Variants in GFRA1 observed in about 807,000 individuals in gnomAD.
GFRA1 encodes GDNF family receptor alpha-1.
In GFRA1, 16 loss-of-function variants were observed where a neutral mutation model predicts 51.6. The observed-to-expected ratio is 0.31, with a 90% CI of 0.21 to 0.47. GFRA1 has a LOEUF of 0.47. Among genes scored for constraint, GFRA1 ranks in the 20% least tolerant of loss-of-function variants. GFRA1 has a pLI of 1.00. For synonymous variants in GFRA1, 270 were observed against 241.3 expected, an observed-to-expected ratio of 1.12 and a Z score of -1.10; for missense variants, 530 against 594.3, an observed-to-expected ratio of 0.89 and a Z score of 1.13.
intron 8 of GFRA1, among the ~76,000 whole-genome samples, chr10:116,091,709 A>T (rs1227464704): frequency 1.3e-5 from 2 of 152,208 alleles, no homozygotes; most frequent in Non-Finnish European, 2.9e-5. Flanking sequence ...AAGTTTCTAC[A>T]TTTGGGCTGG....
At chr10:116,273,769 A>G (rs1431270220), upstream of GFRA1, among the ~76,000 whole-genome samples, 2 of 151,900 alleles carry the variant, frequency 1.3e-5, no homozygotes, top group East Asian at 1.9e-4. Context: ...ATCGAGCCAG[A>G]CCCTTCTTCG....
At chr10:116,099,987 A>G (rs2694777) in intron 6 of GFRA1, among the ~76,000 whole-genome samples, 33,812 of 152,148 alleles carry the variant, frequency 0.22, 3,802 homozygotes, top group Middle Eastern at 0.25. Flanking sequence ...AGACTAGAAT[A>G]AAAGAGTCAG....
At chr10:116,181,836 G>C (rs1197103230) in intron 5 of GFRA1, among the ~76,000 whole-genome samples, 2 of 152,040 alleles carry the variant, frequency 1.3e-5, no homozygotes, top group Admixed American at 1.3e-4. Context: ...GTAGAGATAG[G>C]GTTTCGCTGT....
intron 5 of GFRA1, among the ~76,000 whole-genome samples, chr10:116,176,798 T>C (rs1418147352): frequency 7.8e-6 from 1 of 128,528 alleles, no homozygotes; most frequent in Non-Finnish European, 1.6e-5. Flanking sequence ...GGCTTTGGAG[T>C]TAAAAAGATA....
At chr10:116,258,277 A>C (rs1167160456) in intron 4 of GFRA1, among the ~76,000 whole-genome samples, 1 of 151,062 alleles carries the variant, frequency 6.6e-6, no homozygotes, top group East Asian at 1.9e-4. Context: ...ATACTGAAAA[A>C]CTGAAAACTG....
intron 6 of GFRA1, among the ~76,000 whole-genome samples, chr10:116,118,488 G>A (rs1957517497): frequency 6.6e-6 from 1 of 152,012 alleles, no homozygotes; most frequent in African/African-American, 2.4e-5. Flanking sequence ...CTCAACCACT[G>A]TGTCCCCTCC....
intron 4 of GFRA1, among the ~76,000 whole-genome samples, chr10:116,241,461 G>A (rs1967371240): frequency 6.6e-6 from 1 of 152,198 alleles, no homozygotes; most frequent in Non-Finnish European, 1.5e-5. Flanking sequence ...TGAGCTGACT[G>A]TCTCTGCAAT....
At chr10:116,270,066 G>A (rs1209111245) in intron 3 of GFRA1, among the ~76,000 whole-genome samples, 1 of 152,162 alleles carries the variant, frequency 6.6e-6, no homozygotes, top group East Asian at 1.9e-4. Flanking sequence ...ACCGCTGACA[G>A]GTCAAATCTG....
At chr10:116,160,476 G>A (rs532518559) in intron 5 of GFRA1, among the ~76,000 whole-genome samples, 10 of 152,278 alleles carry the variant, frequency 6.6e-5, no homozygotes, top group South Asian at 2.1e-4. Context: ...GTGTATTCAC[G>A]TCCTTGGTAT....
intron 4 of GFRA1, among the ~76,000 whole-genome samples, chr10:116,253,451 T>TA (rs914749343): frequency 1.1e-4 from 17 of 152,184 alleles, no homozygotes; most frequent in Middle Eastern, 3.4e-3. Context: ...CTACTAAAGA[T>TA]AAAAAAATTA....
intron 8 of GFRA1, among the ~76,000 whole-genome samples, chr10:116,090,432 TAAAAAAAAAAAA>T (rs35493394): frequency 8.3e-6 from 1 of 121,180 alleles, no homozygotes; most frequent in South Asian, 2.9e-4. Context: ...CCAGTTTCTT[TAAAAAAAAAAAA>T]AAAAAAAAAA....
intron 5 of GFRA1, among the ~76,000 whole-genome samples, chr10:116,210,428 C>T (rs1323114177): frequency 6.6e-6 from 1 of 152,198 alleles, no homozygotes; most frequent in African/African-American, 2.4e-5. Flanking sequence ...AGGAAGAAAA[C>T]TCACTGCAGC....
At chr10:116,100,985 A>G (rs1337926115) in intron 6 of GFRA1, among the ~76,000 whole-genome samples, 1 of 152,182 alleles carries the variant, frequency 6.6e-6, no homozygotes, top group East Asian at 1.9e-4. Flanking sequence ...GTTTACCAGG[A>G]AGATAATGAG....
At chr10:116,159,268 G>C (rs1959493318) in intron 5 of GFRA1, among the ~76,000 whole-genome samples, 1 of 152,150 alleles carries the variant, frequency 6.6e-6, no homozygotes, top group African/African-American at 2.4e-5. Context: ...CACTGGCCCA[G>C]CTCGTTCTAG....
intron 4 of GFRA1, among the ~76,000 whole-genome samples, chr10:116,263,715 G>A (rs1304494220): frequency 6.6e-6 from 1 of 152,204 alleles, no homozygotes; most frequent in Admixed American, 6.5e-5. Context: ...CAAGACCTGG[G>A]AATGAGGAGG....
intron 4 of GFRA1, among the ~76,000 whole-genome samples, chr10:116,256,757 CA>C (rs1968893610): frequency 1.3e-5 from 2 of 152,184 alleles, no homozygotes; most frequent in South Asian, 4.1e-4. Context: ...AACAGCTAGG[CA>C]AGGCAGAAGA....
At position 116,104,933 on chromosome 10, in the gene GFRA1, C is replaced by T. The variant is rs192364597; in HGVS notation, c.771-8169G>A. On this transcript the variant is annotated intron_variant, in intron 6 of 10. Transcript: ENST00000355422. Reference sequence around the variant, plus strand: ...TGCCCTCCACCTATTTATCCCAATGCGCAAACTGATGGTCATGGTACAAGA... The same window carrying T: ...TGCCCTCCACCTATTTATCCCAATGTGCAAACTGATGGTCATGGTACAAGA... Among the ~76,000 whole-genome samples, 416 of 152,252 alleles carry T rather than the reference C, an allele frequency of 2.7e-3. 1 individual carries two copies. The highest frequency in any genetic ancestry group is 9.4e-3 in the African/African-American group (392 of 41,540).
At chr10:116,255,267 T>G (rs1968736792) in intron 4 of GFRA1, among the ~76,000 whole-genome samples, 1 of 152,222 alleles carries the variant, frequency 6.6e-6, no homozygotes, top group Non-Finnish European at 1.5e-5. Flanking sequence ...ATGCATTAAG[T>G]ATATGTTCAT....
intron 6 of GFRA1, among the ~76,000 whole-genome samples, chr10:116,113,557 CA>C (rs1957296498): frequency 6.6e-6 from 1 of 152,166 alleles, no homozygotes; most frequent in Non-Finnish European, 1.5e-5. Flanking sequence ...CACCGGTATC[CA>C]ATTCCACTCT....
Sources: allele counts gnomAD v4.1 joint callset (sites outside exome capture counted in the v4.1 genomes callset), GRCh38; gene constraint gnomAD v4.1.1; transcripts MANE v1.5; gene names NCBI Gene and HGNC (gene_info 2026-07-23, HGNC 2026-07-21).